Variants in ATXN3 observed in about 807,000 individuals in gnomAD.
ATXN3 encodes the protein ataxin 3.
ATXN3 carries 28 observed loss-of-function variants against 58.2 expected under a neutral mutation model. The observed-to-expected ratio is 0.48, with a 90% CI of 0.36 to 0.66. The LOEUF is 0.66. ATXN3 is among the 30% of genes least tolerant of loss of function. The pLI is 0.00. For missense variants in ATXN3, 321 were observed against 422.1 expected, an observed-to-expected ratio of 0.76 and a Z score of 2.10; for synonymous variants, 113 against 138.5, an observed-to-expected ratio of 0.82 and a Z score of 1.29.
At chr14:92,101,851 C>T in intron 1 of ATXN3, among the ~76,000 whole-genome samples, 1 of 151,168 alleles carries the variant, frequency 6.6e-6, no homozygotes, top group East Asian at 2.0e-4. Flanking sequence ...GAGTGAGACT[C>T]TGCCTCAAAA....
chr14:92,050,015 A>G (rs1374134411), upstream of ATXN3, among the ~76,000 whole-genome samples: 1 of 152,124 alleles, frequency 6.6e-6, no homozygotes, highest in Non-Finnish European at 1.5e-5. Context: ...TATGTCCTAA[A>G]AGTTTCTCAT....
At chr14:92,090,010 T>C (rs1248150473) in intron 5 of ATXN3, among the ~76,000 whole-genome samples, 1 of 151,602 alleles carries the variant, frequency 6.6e-6, no homozygotes, top group African/African-American at 2.4e-5. Context: ...GGTGGGAGGA[T>C]TGCTTGAGCC....
chr14:92,088,795 AAG>A lies in ATXN3; in HGVS notation c.408_409del (p.Leu137AspfsTer29). 1 of 1,611,500 alleles carries A rather than the reference AAG, an allele frequency of 6.2e-7. No individual in the cohort carries two copies. The highest frequency in any genetic ancestry group is 8.5e-7 in the Non-Finnish European group (1 of 1,178,006). On this transcript the variant is annotated frameshift_variant, in exon 6 of 11. Transcript: ENST00000644486. LOFTEE classifies it high-confidence loss of function. ...ATCTGATATTAATTCTGGACCCGTC[AAG>A]AGAGAATTCAAGTTAAACCACTGGA... is the stretch of plus-strand genomic sequence containing the variant.
intron 9 of ATXN3, among the ~76,000 whole-genome samples, chr14:92,076,127 A>G (rs1047394542): frequency 6.6e-6 from 1 of 152,164 alleles, no homozygotes; most frequent in African/African-American, 2.4e-5. Flanking sequence ...TCATTATTGG[A>G]CATTACTGAA....
At chr14:92,081,465 C>CA (rs58398762) in intron 8 of ATXN3, among the ~76,000 whole-genome samples, 1,559 of 82,560 alleles carry the variant, frequency 0.019, 20 homozygotes, top group East Asian at 0.055. Context: ...GACTCTGACT[C>CA]AAAAAAAAAA....
Position 92,061,098 on chromosome 14 carries a change from CTG to C in ATXN3, c.*3220_*3221del, listed in dbSNP as rs1232973765. 1.3e-5 allele frequency: 2 copies of C among 152,084 alleles called. No homozygotes were observed. Among genetic ancestry groups the C allele is most frequent in the Admixed American group, 6.5e-5 (1 of 15,270 alleles). The allele number at this position is 152,084 out of a possible 1,614,324, so 9.4% of individuals were successfully genotyped here. Reference sequence around the variant, plus strand: ...AATCAAAATGTGATTTAGGCTCTGACTGAAATAAAATTTATTTTATTCAACTT... The same window carrying C: ...AATCAAAATGTGATTTAGGCTCTGACAAATAAAATTTATTTTATTCAACTT... On this transcript the variant is annotated 3_prime_UTR_variant, in exon 11 of 11. Transcript: ENST00000644486.
At chr14:92,082,173 T>G in intron 8 of ATXN3, 127 bp downstream of exon 8, 1 of 1,029,652 alleles carries the variant, frequency 9.7e-7, no homozygotes, top group Non-Finnish European at 1.4e-6. Flanking sequence ...GAAAGCCCAC[T>G]ATATAGCTAT....
chr14:92,073,931 T>C (rs1467970473), intron 9 of ATXN3, among the ~76,000 whole-genome samples: 2 of 147,494 alleles, frequency 1.4e-5, no homozygotes, highest in African/African-American at 5.1e-5. Flanking sequence ...AAGAATTGCT[T>C]GAAACTGGGA....
At position 92,067,555 on chromosome 14, in the gene ATXN3, C is replaced by T. The variant is rs187088090; in HGVS notation, c.992-3141G>A. Among the ~76,000 whole-genome samples the T allele has an allele frequency of 1.8e-4, 28 of 152,292 alleles. No homozygotes were observed. In the East Asian group the frequency reaches 4.8e-3, roughly 26 times the overall value. On this transcript the variant is annotated intron_variant, in intron 10 of 10. Coordinates refer to ENST00000644486, the MANE Select transcript of ATXN3 (RefSeq NM_004993.6). ...GGGATTACAGGCATGTGCCACCACG[C>T]CCAGCTAATTTTTGTATTTTTAGTA...
chr14:92,078,230 C>T (rs2140572641), intron 9 of ATXN3, among the ~76,000 whole-genome samples: 1 of 152,174 alleles, frequency 6.6e-6, no homozygotes, highest in African/African-American at 2.4e-5. Flanking sequence ...GTGATCCGCC[C>T]ACCTCAGCCT....
chr14:92,080,817 T>TTTTC, intron 9 of ATXN3, 148 bp downstream of exon 9: 1 of 717,674 alleles, frequency 1.4e-6, no homozygotes. Flanking sequence ...ATCACAGGCG[T>TTTTC]AAGCCACCGT....
intron 2 of ATXN3, among the ~76,000 whole-genome samples, chr14:92,047,042 A>G (rs2057431046): frequency 1.3e-5 from 2 of 152,152 alleles, no homozygotes; most frequent in Non-Finnish European, 2.9e-5. Flanking sequence ...ATCATGAGAA[A>G]GAGCTTGGCT....
At chr14:92,075,431 T>A (rs1165572681) in intron 9 of ATXN3, among the ~76,000 whole-genome samples, 1 of 152,218 alleles carries the variant, frequency 6.6e-6, no homozygotes, top group Non-Finnish European at 1.5e-5. Flanking sequence ...CCTCCGAAAG[T>A]GCTGGGATTA....
intron 10 of ATXN3, 191 bp downstream of exon 10, chr14:92,070,744 C>G (rs938741759): frequency 9.8e-7 from 1 of 1,017,124 alleles, no homozygotes; most frequent in African/African-American, 1.9e-5. Flanking sequence ...CCACATCTAG[C>G]TTTTTTTTTT....
chr14:92,101,965 C>G (rs1483032551), intron 1 of ATXN3, among the ~76,000 whole-genome samples: 3 of 151,994 alleles, frequency 2.0e-5, no homozygotes. Context: ...CCATCCTGGC[C>G]AACATGGTGA....
chr14:92,071,884 C>T (rs1228266517), intron 9 of ATXN3, among the ~76,000 whole-genome samples: 1 of 152,198 alleles, frequency 6.6e-6, no homozygotes, highest in Non-Finnish European at 1.5e-5. Context: ...TTCATCACTT[C>T]ATTTTAATTC....
At chr14:92,104,450 G>T (rs960938822) in intron 1 of ATXN3, among the ~76,000 whole-genome samples, 1 of 152,174 alleles carries the variant, frequency 6.6e-6, no homozygotes, top group African/African-American at 2.4e-5. Flanking sequence ...TTTCTTTCGG[G>T]TAAGTAGATT....
chr14:92,046,150 A>T (rs369384912), intron 2 of ATXN3: 1 of 152,258 alleles, frequency 6.6e-6, no homozygotes, highest in East Asian at 1.9e-4. Flanking sequence ...ATTGACATGT[A>T]GTCCTTTTGC....
Position 92,059,114 on chromosome 14 carries a change from A to G in ATXN3, c.*5206T>C, listed in dbSNP as rs1225554854. Reference sequence around the variant, plus strand: ...TAAAATGTTTTTTGATATGCTATTAAACATGCCAATTACGACAAATTTAGA... The same window carrying G: ...TAAAATGTTTTTTGATATGCTATTAGACATGCCAATTACGACAAATTTAGA... On this transcript the variant is annotated 3_prime_UTR_variant, in exon 11 of 11. Coordinates refer to ENST00000644486, the MANE Select transcript of ATXN3 (RefSeq NM_004993.6). 1 of 152,174 alleles carries G rather than the reference A, an allele frequency of 6.6e-6. No homozygotes were observed. The highest frequency in any genetic ancestry group is 1.5e-5 in the Non-Finnish European group (1 of 68,038). The allele number at this position is 152,174 out of a possible 1,614,324, so 9.4% of individuals were successfully genotyped here.
Sources: gnomAD v4.1 joint callset for allele counts (sites outside exome capture counted in the v4.1 genomes callset) on GRCh38, gnomAD v4.1.1 for gene constraint, MANE v1.5 for transcripts, NCBI Gene and HGNC (gene_info 2026-07-23, HGNC 2026-07-21) for gene names.